Variants in SGCZ observed in about 807,000 individuals in gnomAD.
The protein encoded by SGCZ is zeta-sarcoglycan.
In SGCZ, 40 loss-of-function variants were observed where a neutral mutation model predicts 41.3. That is an observed-to-expected ratio of 0.97 (90% confidence interval 0.75 to 1.26). SGCZ has a LOEUF of 1.26. Ranked by LOEUF, SGCZ falls within the 50% of genes most tolerant of loss-of-function variation. The pLI is 0.00. For missense variants in SGCZ, 552 were observed against 369.8 expected (o/e 1.49, Z -4.04); for synonymous variants, 206 against 137.5 (o/e 1.50, Z -3.49).
At chr8:14,255,801 T>C (rs1440465719) in intron 3 of SGCZ, among the ~76,000 whole-genome samples, 1 of 152,100 alleles carries the variant, frequency 6.6e-6, no homozygotes, top group African/African-American at 2.4e-5. Flanking sequence ...TAAAGAGATT[T>C]GGCATAAAAA....
At chr8:14,939,642 A>G (rs945799234) in intron 1 of SGCZ, among the ~76,000 whole-genome samples, 5 of 152,194 alleles carry the variant, frequency 3.3e-5, no homozygotes, top group African/African-American at 1.2e-4. Flanking sequence ...CAACTGACAG[A>G]TTAGTATTAT....
chr8:14,490,770 G>T (rs970339662), intron 2 of SGCZ, among the ~76,000 whole-genome samples: 1 of 152,040 alleles, frequency 6.6e-6, no homozygotes, highest in Non-Finnish European at 1.5e-5. Flanking sequence ...TGACAATCCA[G>T]ATTCTCATGT....
chr8:15,050,127 T>A (rs919568588), intron 1 of SGCZ, among the ~76,000 whole-genome samples: 1 of 152,096 alleles, frequency 6.6e-6, no homozygotes, highest in Non-Finnish European at 1.5e-5. Context: ...ATGAATAAGA[T>A]TTACACGTAC....
At chr8:14,339,648 T>A (rs965920983) in intron 2 of SGCZ, among the ~76,000 whole-genome samples, 7 of 152,152 alleles carry the variant, frequency 4.6e-5, no homozygotes, top group African/African-American at 1.4e-4. Flanking sequence ...TAAGCATCTA[T>A]TAGTGGAACA....
chr8:14,607,325 A>AT (rs1357452090), intron 1 of SGCZ, among the ~76,000 whole-genome samples: 2 of 152,230 alleles, frequency 1.3e-5, no homozygotes, highest in East Asian at 3.9e-4. Flanking sequence ...CAATATTAAT[A>AT]TTTTTATCAC....
intron 1 of SGCZ, among the ~76,000 whole-genome samples, chr8:14,850,477 G>A (rs564146633): frequency 2.0e-5 from 3 of 152,298 alleles, no homozygotes; most frequent in African/African-American, 7.2e-5. Context: ...AGTGAGAAAC[G>A]TGTGAGAAGG....
chr8:14,810,424 T>A (rs1392358874), intron 1 of SGCZ, among the ~76,000 whole-genome samples: 1 of 152,018 alleles, frequency 6.6e-6, no homozygotes, highest in African/African-American at 2.4e-5. Flanking sequence ...GCTTTGCTGA[T>A]TTTTTTAACC....
At chr8:14,421,521 C>G (rs1423752072) in intron 2 of SGCZ, among the ~76,000 whole-genome samples, 1 of 152,056 alleles carries the variant, frequency 6.6e-6, no homozygotes, top group African/African-American at 2.4e-5. Flanking sequence ...ATTTGAAATT[C>G]CTGGACATGT....
intron 1 of SGCZ, among the ~76,000 whole-genome samples, chr8:15,077,781 G>C (rs1454591): frequency 0.22 from 33,061 of 152,084 alleles, 3,727 homozygotes; most frequent in East Asian, 0.37. Context: ...CAAATCTACA[G>C]AGATAGCTCC....
intron 2 of SGCZ, among the ~76,000 whole-genome samples, chr8:14,326,362 G>T (rs1802115842): frequency 6.6e-6 from 1 of 151,940 alleles, no homozygotes; most frequent in Non-Finnish European, 1.5e-5. Context: ...ATAACATTAT[G>T]ATATCAGCAA....
At position 15,166,099 on chromosome 8, in the gene SGCZ, G is replaced by T. The variant is rs551363370; in HGVS notation, c.39+71486C>A. Among the ~76,000 whole-genome samples, 4 of 152,248 alleles carry T rather than the reference G, an allele frequency of 2.6e-5. No homozygotes were observed. The South Asian group carries it at 8.3e-4, about 32-fold the overall frequency. ...ATAGCCTTCCCAAAATCAAACTCCA[G>T]TTTCAAAATTGTCTTCCCTGGCACC... On this transcript the variant is annotated intron_variant, in intron 1 of 7. Coordinates refer to ENST00000382080, the MANE Select transcript of SGCZ (RefSeq NM_139167.4).
At chr8:14,191,533 T>A (rs1805103120) in intron 4 of SGCZ, among the ~76,000 whole-genome samples, 1 of 152,132 alleles carries the variant, frequency 6.6e-6, no homozygotes, top group Non-Finnish European at 1.5e-5. Flanking sequence ...AGGCTCTAAT[T>A]TTATTCTTTG....
chr8:14,970,894 G>A lies in SGCZ; in HGVS notation c.39+266691C>T, dbSNP rs555889487. On this transcript the variant is annotated intron_variant, in intron 1 of 7. Coordinates refer to ENST00000382080, the MANE Select transcript of SGCZ (RefSeq NM_139167.4). The stretch of plus-strand genomic sequence containing the variant: ...GTATAGATCAACTTGAGGAGAACTG[G>A]CATGCTAACAATGTTGTATCTTTCC... Among the ~76,000 whole-genome samples the A allele has an allele frequency of 3.3e-5, 5 of 152,202 alleles. No homozygotes were observed. The South Asian group carries it at 1.0e-3, about 32-fold the overall frequency.
intron 4 of SGCZ, among the ~76,000 whole-genome samples, chr8:14,180,105 A>T (rs1425302121): frequency 6.6e-6 from 1 of 152,168 alleles, no homozygotes; most frequent in Non-Finnish European, 1.5e-5. Context: ...GCAGAATCCC[A>T]CCATACAGTC....
rs558983068 is a variant in SGCZ, at chr8:14,377,437, T to C, written c.235-53233A>G. Among the ~76,000 whole-genome samples the C allele has an allele frequency of 3.9e-4, 59 of 152,118 alleles. 1 individual carries two copies. The highest frequency in any genetic ancestry group is 1.4e-3 in the African/African-American group (57 of 41,416). On this transcript the variant is annotated intron_variant, in intron 2 of 7. Coordinates refer to ENST00000382080, the MANE Select transcript of SGCZ (RefSeq NM_139167.4). ...GGAAGTAAACTGCTTTCCTGAGCTA[T>C]GTGAGTTATTTTATAAAATCCTGGA...
At chr8:14,307,915 C>A (rs151293223) in intron 3 of SGCZ, among the ~76,000 whole-genome samples, 1 of 152,040 alleles carries the variant, frequency 6.6e-6, no homozygotes, top group African/African-American at 2.4e-5. Flanking sequence ...AAGTTTAACT[C>A]TCCAATTCCT....
At chr8:14,899,027 C>T (rs917735383) in intron 1 of SGCZ, among the ~76,000 whole-genome samples, 2 of 152,122 alleles carry the variant, frequency 1.3e-5, no homozygotes, top group African/African-American at 4.8e-5. Context: ...GAACTTTTTA[C>T]CGTGTTAGAG....
At chr8:14,200,029 C>T (rs1563181660) in intron 4 of SGCZ, among the ~76,000 whole-genome samples, 1 of 152,106 alleles carries the variant, frequency 6.6e-6, no homozygotes, top group South Asian at 2.1e-4. Flanking sequence ...TAAACAGAAA[C>T]GTATTCTTAT....
chr8:14,267,554 C>T (rs1345440524), intron 3 of SGCZ, among the ~76,000 whole-genome samples: 1 of 152,056 alleles, frequency 6.6e-6, no homozygotes, highest in Non-Finnish European at 1.5e-5. Context: ...CGCCTAGTCT[C>T]ATGATGCTAT....
Sources: allele counts gnomAD v4.1 joint callset (sites outside exome capture counted in the v4.1 genomes callset), GRCh38; gene constraint gnomAD v4.1.1; transcripts MANE v1.5; gene names NCBI Gene and HGNC (gene_info 2026-07-23, HGNC 2026-07-21).